Variants in DLGAP2 observed in about 807,000 individuals in gnomAD.
The protein encoded by DLGAP2 is disks large-associated protein 2.
DLGAP2 carries 26 observed loss-of-function variants against 100.3 expected under a neutral mutation model. The observed-to-expected ratio is 0.26, with a 90% CI of 0.19 to 0.36. The LOEUF (loss-of-function observed/expected upper bound fraction) is 0.36. DLGAP2 is among the 10% of genes least tolerant of loss of function. The pLI, the probability that DLGAP2 is intolerant of heterozygous loss-of-function variation, is 1.00. For synonymous variants in DLGAP2, 886 were observed against 630.1 expected (o/e 1.41, Z -6.08); for missense variants, 1,858 against 1,453.2 (o/e 1.28, Z -4.53).
intron 3 of DLGAP2, among the ~76,000 whole-genome samples, chr8:1,462,864 G>A (rs1033297721): frequency 6.6e-6 from 1 of 152,216 alleles, no homozygotes; most frequent in Admixed American, 6.5e-5. Context: ...TATCTGAAAC[G>A]ATTAGTTCAA....
intron 4 of DLGAP2, among the ~76,000 whole-genome samples, chr8:1,507,824 C>CCCCACCCACG (rs1799986831): frequency 6.6e-6 from 1 of 150,978 alleles, no homozygotes; most frequent in African/African-American, 2.5e-5. Flanking sequence ...ACCACCCTCC[C>CCCCACCCACG]TCCCAGGCAT....
At chr8:1,699,114 G>A (rs945308087) in intron 14 of DLGAP2, among the ~76,000 whole-genome samples, 2 of 152,242 alleles carry the variant, frequency 1.3e-5, no homozygotes, top group African/African-American at 4.8e-5. Context: ...ACTGAAGTTA[G>A]CCCAGGTGCA....
chr8:982,186 G>C (rs1442187246), intron 2 of DLGAP2, among the ~76,000 whole-genome samples: 3 of 152,190 alleles, frequency 2.0e-5, no homozygotes, highest in African/African-American at 7.2e-5. Flanking sequence ...CTCAGTTTCT[G>C]CATTTCTTCA....
rs564082449 is a variant in DLGAP2 at position 1,299,306 on chromosome 8, G to A, written c.106+40423G>A. On this transcript the variant is annotated intron_variant, in intron 3 of 14. Coordinates refer to ENST00000637795, the MANE Select transcript of DLGAP2 (RefSeq NM_001346810.2). ...AGGGTGCCGCATGGATGGTCTGTCT[G>A]GCCTCCCTGGATTTTCCAGTGGTGT... Among the ~76,000 whole-genome samples the A allele has an allele frequency of 5.9e-5, 9 of 152,322 alleles. No homozygotes were observed. The South Asian group carries it at 1.9e-3, about 32-fold the overall frequency.
intron 3 of DLGAP2, among the ~76,000 whole-genome samples, chr8:1,387,117 C>G (rs1199345422): frequency 6.6e-6 from 1 of 152,124 alleles, no homozygotes. Flanking sequence ...TATAGCAAAA[C>G]AGCAGAGCCG....
chr8:1,569,506 AT>A, intron 6 of DLGAP2, among the ~76,000 whole-genome samples: 1 of 150,360 alleles, frequency 6.7e-6, no homozygotes, highest in Non-Finnish European at 1.5e-5. Context: ...CAAAAAAAAA[AT>A]ATTATGTTAC....
intron 2 of DLGAP2, among the ~76,000 whole-genome samples, chr8:1,037,619 A>C (rs763464925): frequency 5.9e-5 from 9 of 152,214 alleles, no homozygotes; most frequent in Non-Finnish European, 1.0e-4. Flanking sequence ...TACAAAATGT[A>C]GTTTTTAAAA....
At chr8:943,052 AC>A (rs1349238967) in intron 2 of DLGAP2, among the ~76,000 whole-genome samples, 1 of 152,236 alleles carries the variant, frequency 6.6e-6, no homozygotes, top group Non-Finnish European at 1.5e-5. Context: ...GTGACTGACC[AC>A]AATCCGAATT....
chr8:1,428,032 A>G (rs1421892024), intron 3 of DLGAP2, among the ~76,000 whole-genome samples: 1 of 152,194 alleles, frequency 6.6e-6, no homozygotes, highest in African/African-American at 2.4e-5. Flanking sequence ...TTTATTGGAA[A>G]ATGACAAGGA....
At chr8:782,145 T>A (rs532610810) in intron 1 of DLGAP2, among the ~76,000 whole-genome samples, 1 of 152,212 alleles carries the variant, frequency 6.6e-6, no homozygotes, top group South Asian at 2.1e-4. Context: ...TTTTATTATA[T>A]GAATGTAACA....
intron 3 of DLGAP2, among the ~76,000 whole-genome samples, chr8:1,423,362 C>A (rs1485475178): frequency 6.6e-6 from 1 of 152,154 alleles, no homozygotes; most frequent in African/African-American, 2.4e-5. Flanking sequence ...CCAGGACCAC[C>A]CCAGGTTCTG....
intron 2 of DLGAP2, among the ~76,000 whole-genome samples, chr8:1,085,848 T>C (rs1293323950): frequency 6.6e-6 from 1 of 152,228 alleles, no homozygotes. Flanking sequence ...AATCTGCACA[T>C]CCCTTTGGGT....
chr8:1,369,713 C>A (rs1344117204), intron 3 of DLGAP2: 1 of 152,310 alleles, frequency 6.6e-6, no homozygotes, highest in Non-Finnish European at 1.5e-5. Context: ...GCTTTTCCAA[C>A]TTACCCTAGC....
At chr8:1,414,007 G>A (rs1381021467) in intron 3 of DLGAP2, among the ~76,000 whole-genome samples, 1 of 152,148 alleles carries the variant, frequency 6.6e-6, no homozygotes, top group Non-Finnish European at 1.5e-5. Context: ...GTCAAAAAGT[G>A]CAGCTCAGGG....
intron 4 of DLGAP2, among the ~76,000 whole-genome samples, chr8:1,542,831 C>T (rs540704606): frequency 1.6e-4 from 25 of 152,300 alleles, no homozygotes; most frequent in African/African-American, 6.0e-4. Flanking sequence ...CTCCCTTCCC[C>T]AGCAGCGTGC....
chr8:987,496 C>T (rs552630455), intron 2 of DLGAP2, among the ~76,000 whole-genome samples: 215 of 152,292 alleles, frequency 1.4e-3, no homozygotes, highest in African/African-American at 4.6e-3. Flanking sequence ...CACAGTTCTG[C>T]CGGACGCCCC....
intron 2 of DLGAP2, among the ~76,000 whole-genome samples, chr8:1,181,125 T>TA (rs539608129): frequency 2.1e-5 from 1 of 46,734 alleles, no homozygotes; most frequent in African/African-American, 8.7e-5. Context: ...GCAAGGGCAG[T>TA]CACTTACTGT....
chr8:773,977 G>A (rs931483787), intron 1 of DLGAP2, among the ~76,000 whole-genome samples: 5 of 152,178 alleles, frequency 3.3e-5, no homozygotes, highest in African/African-American at 9.7e-5. Context: ...GTGTAAAAGT[G>A]TTCCTATTTC....
Position 1,515,130 on chromosome 8 carries a change from G to C in DLGAP2, c.172+13699G>C, listed in dbSNP as rs553770878. ...TGGGATGGATGCATCCAACCAAAGA[G>C]AAAACAAGGAAGGAGGAGACATGGA... On this transcript the variant is annotated intron_variant, in intron 4 of 14. Transcript: ENST00000637795. 3.4e-4 allele frequency among the ~76,000 whole-genome samples: 52 copies of C among 152,256 alleles called. 1 individual carries two copies. The highest frequency in any genetic ancestry group is 1.7e-3 in the Admixed American group (26 of 15,292).
Sources: gnomAD v4.1 joint callset for allele counts (sites outside exome capture counted in the v4.1 genomes callset) on GRCh38, gnomAD v4.1.1 for gene constraint, MANE v1.5 for transcripts, NCBI Gene and HGNC (gene_info 2026-07-23, HGNC 2026-07-21) for gene names.